DPP10: variants seen among roughly 807,000 people sequenced by gnomAD.
The protein encoded by DPP10 is dipeptidyl peptidase like 10.
A neutral mutation model predicts 120.9 loss-of-function variants in DPP10; 33 were observed. That is an observed-to-expected ratio of 0.27 (90% CI 0.21 to 0.37). DPP10 has a LOEUF of 0.37. DPP10 is among the 10% of genes least tolerant of loss of function. DPP10 has a pLI of 1.00. For synonymous variants in DPP10, 337 were observed against 326.1 expected (o/e 1.03, Z -0.36); for missense variants, 816 against 942.8 (o/e 0.87, Z 1.76).
At chr2:115,082,815 C>A (rs1349834407) in intron 1 of DPP10, among the ~76,000 whole-genome samples, 1 of 152,176 alleles carries the variant, frequency 6.6e-6, no homozygotes. Flanking sequence ...GAAATTCACA[C>A]CAGATTGCCA....
intron 5 of DPP10, among the ~76,000 whole-genome samples, chr2:115,688,034 AAG>A (rs70941088): frequency 1.6e-4 from 24 of 150,176 alleles, no homozygotes; most frequent in Admixed American, 5.3e-4. Context: ...GAGAGAGAAA[AAG>A]AGAGAGAGAG....
intron 1 of DPP10, among the ~76,000 whole-genome samples, chr2:114,967,962 G>A (rs1168133504): frequency 1.3e-5 from 2 of 152,050 alleles, no homozygotes; most frequent in African/African-American, 2.4e-5. Flanking sequence ...CTAGGACTGG[G>A]GCTCAGGTGA....
chr2:115,418,611 A>AT (rs777495402), intron 3 of DPP10, among the ~76,000 whole-genome samples: 7 of 150,778 alleles, frequency 4.6e-5, no homozygotes, highest in African/African-American at 1.5e-4. Flanking sequence ...TCTCATATTT[A>AT]TTTTTTTTTA....
chr2:115,432,659 TTGTGTGTGTGTGTGTGTGTGTGTG>T, intron 3 of DPP10, among the ~76,000 whole-genome samples: 1 of 137,756 alleles, frequency 7.3e-6, no homozygotes, highest in African/African-American at 2.7e-5. Flanking sequence ...ATAGGCAATT[TTGTGTGTGTGTGTGTGTGTGTGTG>T]TGTGTGTGTG....
At chr2:115,011,661 G>C (rs1167852702) in intron 1 of DPP10, among the ~76,000 whole-genome samples, 1 of 152,074 alleles carries the variant, frequency 6.6e-6, no homozygotes, top group Admixed American at 6.5e-5. Flanking sequence ...ATGGCAGATA[G>C]GAGACAGGAC....
At chr2:115,043,845 A>G (rs2105312520) in intron 1 of DPP10, among the ~76,000 whole-genome samples, 1 of 152,328 alleles carries the variant, frequency 6.6e-6, no homozygotes, top group East Asian at 1.9e-4. Context: ...GGTCAGTTAT[A>G]TATTTTAACA....
At chr2:115,124,404 C>T (rs1302545412) in intron 1 of DPP10, among the ~76,000 whole-genome samples, 1 of 152,198 alleles carries the variant, frequency 6.6e-6, no homozygotes, top group African/African-American at 2.4e-5. Flanking sequence ...ATTATCTGAT[C>T]TTGAGCAGCA....
intron 1 of DPP10, among the ~76,000 whole-genome samples, chr2:114,552,782 G>A (rs1458860407): frequency 6.6e-6 from 1 of 152,124 alleles, no homozygotes; most frequent in Non-Finnish European, 1.5e-5. Flanking sequence ...CTGACCTCAG[G>A]TGATCCACCC....
At chr2:114,537,817 G>GT (rs34354254) in intron 1 of DPP10, among the ~76,000 whole-genome samples, 1 of 152,182 alleles carries the variant, frequency 6.6e-6, no homozygotes, top group Admixed American at 6.5e-5. Context: ...CCAGAGCCCA[G>GT]TTTTTTCTAA....
At chr2:115,796,063 A>G (rs1684494241) in intron 19 of DPP10, among the ~76,000 whole-genome samples, 1 of 152,116 alleles carries the variant, frequency 6.6e-6, no homozygotes, top group Admixed American at 6.6e-5. Flanking sequence ...ACACTACGTA[A>G]CAGTCTTCAT....
chr2:115,221,532 C>T (rs115332404), intron 1 of DPP10, among the ~76,000 whole-genome samples: 2,242 of 152,134 alleles, frequency 0.015, 62 homozygotes, highest in African/African-American at 0.049. Flanking sequence ...ATACATGGTC[C>T]GCAAAGCCTA....
chr2:115,627,275 AC>A (rs1443424113), intron 5 of DPP10, among the ~76,000 whole-genome samples: 1 of 152,128 alleles, frequency 6.6e-6, no homozygotes, highest in Non-Finnish European at 1.5e-5. Flanking sequence ...AGAATATAAC[AC>A]CTGACACTGG....
intron 1 of DPP10, among the ~76,000 whole-genome samples, chr2:115,213,778 G>A (rs924319568): frequency 6.6e-6 from 1 of 152,034 alleles, no homozygotes. Flanking sequence ...TGACTGGCAG[G>A]TATCTGATTC....
chr2:114,737,328 G>T (rs566067777), intron 1 of DPP10, among the ~76,000 whole-genome samples: 3 of 152,142 alleles, frequency 2.0e-5, no homozygotes, highest in Non-Finnish European at 4.4e-5. Flanking sequence ...TGAAGAATGC[G>T]TGCAGGTGCC....
At chr2:115,428,659 G>A (rs919902130) in intron 3 of DPP10, among the ~76,000 whole-genome samples, 16 of 152,118 alleles carry the variant, frequency 1.1e-4, no homozygotes, top group Admixed American at 3.9e-4. Flanking sequence ...ACCAGGCCCC[G>A]CCTCCAACGT....
At chr2:114,474,404 C>A in intron 1 of DPP10, among the ~76,000 whole-genome samples, 1 of 152,236 alleles carries the variant, frequency 6.6e-6, no homozygotes, top group East Asian at 1.9e-4. Context: ...ACTGGCCCTT[C>A]TTCTTTTTCC....
intron 1 of DPP10, among the ~76,000 whole-genome samples, chr2:114,933,815 A>G (rs1251185164): frequency 2.0e-5 from 3 of 152,154 alleles, no homozygotes; most frequent in Non-Finnish European, 4.4e-5. Context: ...GATTCAGTAG[A>G]TCCAGAGAGG....
chr2:114,574,531 T>C (rs916729463), intron 1 of DPP10, among the ~76,000 whole-genome samples: 5 of 152,152 alleles, frequency 3.3e-5, no homozygotes, highest in South Asian at 2.1e-4. Flanking sequence ...CTGGTTAACA[T>C]TGTTTAACAC....
At chr2:114,710,706 C>A (rs576793851) in intron 1 of DPP10, among the ~76,000 whole-genome samples, 1 of 152,230 alleles carries the variant, frequency 6.6e-6, no homozygotes, top group East Asian at 1.9e-4. Context: ...GATCATGACA[C>A]TGCACTCCAG....
Sources: allele counts gnomAD v4.1 joint callset (sites outside exome capture counted in the v4.1 genomes callset), GRCh38; gene constraint gnomAD v4.1.1; transcripts MANE v1.5; gene names NCBI Gene and HGNC (gene_info 2026-07-23, HGNC 2026-07-21).